Variants in KIAA1328 observed in about 807,000 individuals in gnomAD.
KIAA1328 encodes KIAA1328, also known as protein hinderin.
A neutral mutation model predicts 68.1 loss-of-function variants in KIAA1328; 52 were observed. The ratio of observed to expected loss-of-function variants is 0.76; its 90% CI spans 0.61 to 0.96. The LOEUF (loss-of-function observed/expected upper bound fraction) is 0.96. Among genes scored for constraint, KIAA1328 ranks in the 40% least tolerant of loss-of-function variants. The pLI, the probability that KIAA1328 is intolerant of heterozygous loss-of-function variation, is 0.00. For synonymous variants in KIAA1328, 232 were observed against 239.4 expected (o/e 0.97, Z 0.28); for missense variants, 641 against 677.6 (o/e 0.95, Z 0.60).
intron 4 of KIAA1328, among the ~76,000 whole-genome samples, chr18:36,869,622 T>C (rs2047876924): frequency 6.7e-6 from 1 of 149,958 alleles, no homozygotes; most frequent in African/African-American, 2.4e-5. Flanking sequence ...TTCATGTTCA[T>C]GTGCATATTT....
intron 9 of KIAA1328, among the ~76,000 whole-genome samples, chr18:37,176,932 T>C (rs1329454727): frequency 2.6e-5 from 4 of 152,326 alleles, no homozygotes; most frequent in African/African-American, 7.2e-5. Context: ...ACAGGAAATA[T>C]ATAACACTCA....
At chr18:36,981,186 GA>G (rs1291313058) in intron 6 of KIAA1328, among the ~76,000 whole-genome samples, 6 of 152,126 alleles carry the variant, frequency 3.9e-5, no homozygotes, top group African/African-American at 1.4e-4. Flanking sequence ...ATTCCAGTTA[GA>G]TTTTTGTCCT....
intron 6 of KIAA1328, among the ~76,000 whole-genome samples, chr18:36,966,133 G>C (rs552319113): frequency 6.6e-6 from 1 of 152,302 alleles, no homozygotes. Flanking sequence ...CTTATTCAAA[G>C]AGCTGAGGGA....
intron 6 of KIAA1328, among the ~76,000 whole-genome samples, chr18:37,031,286 A>G (rs183618304): frequency 3.9e-5 from 6 of 152,226 alleles, no homozygotes; most frequent in African/African-American, 1.2e-4. Context: ...GGAATTTCCA[A>G]CCATGATTGT....
intron 5 of KIAA1328, among the ~76,000 whole-genome samples, chr18:36,930,621 C>T (rs1475076114): frequency 2.6e-5 from 4 of 151,966 alleles, no homozygotes; most frequent in Non-Finnish European, 5.9e-5. Context: ...CTTTAATGGG[C>T]ATTTTGATTC....
chr18:37,226,578 C>G (rs79552569), downstream of KIAA1328, among the ~76,000 whole-genome samples: 1,504 of 152,240 alleles, frequency 9.9e-3, 6 homozygotes, highest in Non-Finnish European at 0.017. Flanking sequence ...CTGGCTTTCA[C>G]AGCATAACGT....
At chr18:37,130,341 C>T (rs556771577) in intron 7 of KIAA1328, among the ~76,000 whole-genome samples, 3 of 152,232 alleles carry the variant, frequency 2.0e-5, no homozygotes, top group East Asian at 3.9e-4. Flanking sequence ...CCTAGTCTGC[C>T]GGGCACGGTG....
At chr18:36,904,314 G>C (rs576485917) in intron 5 of KIAA1328, among the ~76,000 whole-genome samples, 1 of 152,172 alleles carries the variant, frequency 6.6e-6, no homozygotes, top group East Asian at 1.9e-4. Context: ...ATCAGTTATT[G>C]AGAAAGGGGT....
chr18:37,158,080 T>G (rs2059195282), intron 7 of KIAA1328, among the ~76,000 whole-genome samples: 1 of 151,888 alleles, frequency 6.6e-6, no homozygotes, highest in Non-Finnish European at 1.5e-5. Context: ...TCTCCCAGGC[T>G]GGAGTGCAGT....
intron 7 of KIAA1328, among the ~76,000 whole-genome samples, chr18:37,096,120 C>T (rs1214588787): frequency 6.6e-6 from 1 of 151,976 alleles, no homozygotes; most frequent in African/African-American, 2.4e-5. Flanking sequence ...CGTACATGTG[C>T]ACAACGTGCA....
intron 5 of KIAA1328, among the ~76,000 whole-genome samples, chr18:36,893,302 T>C (rs144783492): frequency 2.3e-3 from 348 of 152,176 alleles, no homozygotes; most frequent in African/African-American, 8.1e-3. Flanking sequence ...AGATAGAATC[T>C]TGCTGTGTCG....
At chr18:37,164,775 G>T (rs1014757026) in intron 8 of KIAA1328, among the ~76,000 whole-genome samples, 1 of 151,996 alleles carries the variant, frequency 6.6e-6, no homozygotes, top group Admixed American at 6.6e-5. Flanking sequence ...AAAAAGTGCT[G>T]CCTTAGGAGT....
intron 6 of KIAA1328, among the ~76,000 whole-genome samples, chr18:37,005,904 T>C (rs2053763684): frequency 6.6e-6 from 1 of 151,870 alleles, no homozygotes; most frequent in Admixed American, 6.6e-5. Context: ...CCAAAAAATA[T>C]GATCACATGG....
At chr18:37,181,471 A>C (rs571829118) in intron 9 of KIAA1328, among the ~76,000 whole-genome samples, 1 of 152,196 alleles carries the variant, frequency 6.6e-6, no homozygotes, top group African/African-American at 2.4e-5. Context: ...GCTTTTAGTT[A>C]AGTCATGATG....
chr18:37,172,286 T>G (rs559450524), intron 8 of KIAA1328, among the ~76,000 whole-genome samples: 9 of 152,346 alleles, frequency 5.9e-5, no homozygotes, highest in Admixed American at 2.0e-4. Context: ...TTATGTTGTT[T>G]AGAAACTAAT....
intron 6 of KIAA1328, among the ~76,000 whole-genome samples, chr18:36,960,573 A>C (rs2051620708): frequency 6.6e-6 from 1 of 152,114 alleles, no homozygotes; most frequent in Non-Finnish European, 1.5e-5. Flanking sequence ...CAGACACCTC[A>C]TACAGGCAGG....
chr18:37,094,815 A>T (rs906314979), intron 7 of KIAA1328, among the ~76,000 whole-genome samples: 1 of 152,166 alleles, frequency 6.6e-6, no homozygotes, highest in Admixed American at 6.5e-5. Context: ...ACTCAATTAT[A>T]TGCAGCCTAC....
intron 5 of KIAA1328, among the ~76,000 whole-genome samples, chr18:36,919,431 T>G (rs895592347): frequency 7.9e-5 from 12 of 152,168 alleles, no homozygotes; most frequent in African/African-American, 2.9e-4. Flanking sequence ...TGATCATGAG[T>G]TCTTAGTCTG....
At chr18:37,068,040 T>G (rs901358742) in intron 7 of KIAA1328, among the ~76,000 whole-genome samples, 1 of 152,214 alleles carries the variant, frequency 6.6e-6, no homozygotes, top group African/African-American at 2.4e-5. Context: ...AAAGATTACC[T>G]TGTCTTCCAA....
Sources: gnomAD v4.1 joint callset for allele counts (sites outside exome capture counted in the v4.1 genomes callset) on GRCh38, gnomAD v4.1.1 for gene constraint, MANE v1.5 for transcripts, NCBI Gene and HGNC (gene_info 2026-07-23, HGNC 2026-07-21) for gene names.